Variants in GADL1 observed in about 807,000 individuals in gnomAD.
GADL1 encodes GAD like acidic amino acid decarboxylase 1.
Under a neutral mutation model 69.5 loss-of-function variants are expected in GADL1, and 71 were observed. The observed-to-expected ratio is 1.02, with a 90% CI of 0.84 to 1.25. The LOEUF (loss-of-function observed/expected upper bound fraction) is 1.25. Among genes scored for constraint, GADL1 ranks in the 50% most tolerant of loss-of-function variants. The pLI, the probability that GADL1 is intolerant of heterozygous loss-of-function variation, is 0.00. For synonymous variants in GADL1, 254 were observed against 214.4 expected, an observed-to-expected ratio of 1.18 and a Z score of -1.62; for missense variants, 737 against 631.8, an observed-to-expected ratio of 1.17 and a Z score of -1.79.
chr3:30,781,955 A>T (rs1335436040), intron 13 of GADL1, among the ~76,000 whole-genome samples: 3 of 152,172 alleles, frequency 2.0e-5, no homozygotes, highest in Non-Finnish European at 4.4e-5. Flanking sequence ...GGAAACATTA[A>T]GAAATAATGT....
At chr3:30,794,032 T>C (rs1281668190) in intron 12 of GADL1, among the ~76,000 whole-genome samples, 2 of 152,176 alleles carry the variant, frequency 1.3e-5, no homozygotes, top group African/African-American at 4.8e-5. Context: ...AGATCACCAA[T>C]ATAAAGATAA....
At chr3:30,777,815 A>G (rs986374958) in intron 14 of GADL1, among the ~76,000 whole-genome samples, 8 of 152,236 alleles carry the variant, frequency 5.3e-5, no homozygotes, top group African/African-American at 1.7e-4. Context: ...GACTTCTAAC[A>G]TTATTTCCAA....
chr3:30,751,588 A>G (rs1695819316), intron 14 of GADL1, among the ~76,000 whole-genome samples: 1 of 151,592 alleles, frequency 6.6e-6, no homozygotes, highest in Non-Finnish European at 1.5e-5. Flanking sequence ...CTAGAACTTG[A>G]GTGGAGGTAT....
intron 12 of GADL1, among the ~76,000 whole-genome samples, chr3:30,793,458 TA>T (rs1233443493): frequency 2.0e-5 from 3 of 152,082 alleles, no homozygotes; most frequent in Non-Finnish European, 4.4e-5. Flanking sequence ...GCAGAAACCA[TA>T]AACTACTATC....
At chr3:30,849,190 T>C (rs1374708511) in intron 6 of GADL1, among the ~76,000 whole-genome samples, 2 of 152,114 alleles carry the variant, frequency 1.3e-5, no homozygotes, top group Non-Finnish European at 2.9e-5. Flanking sequence ...CACTCGTAGA[T>C]GGGCCATCAG....
intron 9 of GADL1, among the ~76,000 whole-genome samples, chr3:30,836,760 G>T (rs1188080016): frequency 6.6e-6 from 1 of 152,008 alleles, no homozygotes; most frequent in Non-Finnish European, 1.5e-5. Flanking sequence ...AGCTTTGTTG[G>T]GAATGAGAGG....
intron 14 of GADL1, among the ~76,000 whole-genome samples, chr3:30,769,942 AT>A (rs113686129): frequency 9.7e-5 from 13 of 133,568 alleles, no homozygotes; most frequent in Non-Finnish European, 1.6e-4. Flanking sequence ...TTTAGGTAAG[AT>A]ATTACACATT....
chr3:30,815,421 C>T (rs1367959379), intron 11 of GADL1, among the ~76,000 whole-genome samples: 1 of 152,142 alleles, frequency 6.6e-6, no homozygotes, highest in Non-Finnish European at 1.5e-5. Flanking sequence ...GGTTTCCAAA[C>T]CAAACAAGAA....
chr3:30,885,553 G>A (rs973851845), intron 1 of GADL1, among the ~76,000 whole-genome samples: 7 of 151,982 alleles, frequency 4.6e-5, no homozygotes, highest in African/African-American at 1.7e-4. Flanking sequence ...ACAAGCGAAT[G>A]AATCTAAGAA....
chr3:30,749,808 A>G (rs991767278), intron 14 of GADL1, among the ~76,000 whole-genome samples: 4 of 152,218 alleles, frequency 2.6e-5, no homozygotes, highest in Admixed American at 6.5e-5. Context: ...ACTGAGGATA[A>G]TTAGACTTAT....
chr3:30,863,720 C>T (rs916839541), intron 1 of GADL1, among the ~76,000 whole-genome samples: 1 of 145,066 alleles, frequency 6.9e-6, no homozygotes, highest in African/African-American at 2.5e-5. Context: ...CAAAAAAAAA[C>T]CCTTCTAAAT....
intron 14 of GADL1, among the ~76,000 whole-genome samples, chr3:30,760,659 T>C (rs1292142938): frequency 1.3e-5 from 2 of 152,156 alleles, no homozygotes; most frequent in African/African-American, 2.4e-5. Flanking sequence ...TGACAAACAT[T>C]CCAAAGGATT....
chr3:30,872,482 T>C (rs959476013), intron 1 of GADL1, among the ~76,000 whole-genome samples: 2 of 151,952 alleles, frequency 1.3e-5, no homozygotes, highest in African/African-American at 4.8e-5. Context: ...ATTGCTTTAA[T>C]GGTAACTTCT....
intron 14 of GADL1, among the ~76,000 whole-genome samples, chr3:30,766,712 G>GAC (rs1696290404): frequency 6.6e-6 from 1 of 152,138 alleles, no homozygotes; most frequent in Non-Finnish European, 1.5e-5. Context: ...TCCAAGTAAA[G>GAC]ACAGGAGAGA....
intron 3 of GADL1, among the ~76,000 whole-genome samples, chr3:30,855,203 A>G (rs1413134524): frequency 2.0e-5 from 3 of 152,254 alleles, no homozygotes; most frequent in Admixed American, 6.5e-5. Flanking sequence ...CATGTTGAAG[A>G]CACATCGTAG....
intron 14 of GADL1, among the ~76,000 whole-genome samples, chr3:30,748,161 T>A (rs1411086193): frequency 6.6e-6 from 1 of 152,160 alleles, no homozygotes; most frequent in Non-Finnish European, 1.5e-5. Context: ...ACCAAATCAA[T>A]GGCATAGACA....
intron 6 of GADL1, among the ~76,000 whole-genome samples, chr3:30,846,337 G>T (rs897696454): frequency 6.6e-6 from 1 of 152,152 alleles, no homozygotes; most frequent in Non-Finnish European, 1.5e-5. Context: ...AACTCTCAGC[G>T]GGTGTTCATT....
intron 14 of GADL1, among the ~76,000 whole-genome samples, chr3:30,731,013 C>T (rs1421320271): frequency 2.0e-5 from 3 of 152,194 alleles, no homozygotes; most frequent in African/African-American, 7.2e-5. Flanking sequence ...CATAAAAGTA[C>T]ACTTGTTTTT....
chr3:30,886,023 C>T (rs1698701635), intron 1 of GADL1, among the ~76,000 whole-genome samples: 1 of 151,926 alleles, frequency 6.6e-6, no homozygotes, highest in South Asian at 2.1e-4. Context: ...AACAGATTAG[C>T]AATAAATTTG....
Sources: gnomAD v4.1 joint callset for allele counts (sites outside exome capture counted in the v4.1 genomes callset) on GRCh38, gnomAD v4.1.1 for gene constraint, MANE v1.5 for transcripts, NCBI Gene and HGNC (gene_info 2026-07-23, HGNC 2026-07-21) for gene names.